The following STON2 variants were observed in gnomAD, a reference collection of about 807,000 sequenced individuals.
STON2 encodes the protein stonin 2.
A neutral mutation model predicts 65.7 loss-of-function variants in STON2; 29 were observed. That is an observed-to-expected ratio of 0.44 (90% confidence interval 0.33 to 0.60). STON2 has a LOEUF of 0.60. STON2 is among the 20% of genes least tolerant of loss of function. The pLI is 0.03. For missense variants in STON2, 1,054 were observed against 1,118.1 expected (o/e 0.94, Z 0.82); for synonymous variants, 404 against 414.2 (o/e 0.98, Z 0.30).
At chr14:81,432,236 A>C (rs1218082548) in intron 1 of STON2, among the ~76,000 whole-genome samples, 1 of 152,038 alleles carries the variant, frequency 6.6e-6, no homozygotes, top group Non-Finnish European at 1.5e-5. Flanking sequence ...CACATTAGAC[A>C]CCCCAACATA....
At chr14:81,281,726 T>C (rs1416099962) in intron 5 of STON2, among the ~76,000 whole-genome samples, 1 of 152,196 alleles carries the variant, frequency 6.6e-6, no homozygotes, top group Non-Finnish European at 1.5e-5. Context: ...TTACAATAAA[T>C]TCCTTTTCAA....
intron 5 of STON2, among the ~76,000 whole-genome samples, chr14:81,287,889 T>C (rs954562036): frequency 2.6e-5 from 4 of 152,158 alleles, no homozygotes; most frequent in Non-Finnish European, 5.9e-5. Context: ...TATCCGTTTC[T>C]TGGGCTGTCT....
At chr14:81,411,007 C>G (rs552969302) in intron 2 of STON2, among the ~76,000 whole-genome samples, 29 of 152,332 alleles carry the variant, frequency 1.9e-4, no homozygotes, top group African/African-American at 7.0e-4. Context: ...TATTCTCTCG[C>G]CAGGTTTAAT....
At chr14:81,393,692 G>A (rs965093103) in intron 3 of STON2, among the ~76,000 whole-genome samples, 1 of 152,210 alleles carries the variant, frequency 6.6e-6, no homozygotes, top group Non-Finnish European at 1.5e-5. Context: ...CAATAAGTAT[G>A]CAGTAAATGT....
intron 5 of STON2, among the ~76,000 whole-genome samples, chr14:81,291,652 G>A (rs1423388531): frequency 6.6e-6 from 1 of 151,184 alleles, no homozygotes; most frequent in African/African-American, 2.4e-5. Flanking sequence ...TAGTATGTTT[G>A]TATGTTTATT....
chr14:81,323,194 G>A lies in STON2; in HGVS notation c.742+823C>T, dbSNP rs534351272. Among the ~76,000 whole-genome samples the A allele has an allele frequency of 1.7e-4, 26 of 152,298 alleles. No homozygotes were observed. The Middle Eastern group carries it at 0.01, about 60-fold the overall frequency. On this transcript the variant is annotated intron_variant, in intron 5 of 7. Transcript: ENST00000614646. ...CAGTGCAATCAACGGCTTGTGTTTA[G>A]AATAAATATTTGAGACACACAAGCC...
intron 4 of STON2, among the ~76,000 whole-genome samples, chr14:81,359,460 A>G (rs1330831363): frequency 6.6e-6 from 1 of 152,210 alleles, no homozygotes; most frequent in Non-Finnish European, 1.5e-5. Context: ...AATTTAATGT[A>G]CACCTCAAGA....
rs745700352 is a variant in STON2 at position 81,262,712 on chromosome 14, A to C, written c.*5702T>G. The C allele has an allele frequency of 3.0e-6, 3 of 984,890 alleles. No individual in the cohort carries two copies. The highest frequency in any genetic ancestry group is 6.2e-5 in the Admixed American group (1 of 16,246). 61.0% of individuals were successfully genotyped at this position (984,890 alleles called of 1,614,324 possible). Reference sequence around the variant, plus strand: ...AAATTGAGAGACACATTTTTTTTTCAATTCTCAAAACAACTAGACTCTTTC... The same window carrying C: ...AAATTGAGAGACACATTTTTTTTTCCATTCTCAAAACAACTAGACTCTTTC... On this transcript the variant is annotated 3_prime_UTR_variant, in exon 8 of 8. Coordinates refer to ENST00000614646, the MANE Select transcript of STON2 (RefSeq NM_001394390.1).
chr14:81,425,340 A>C (rs780115258), intron 2 of STON2, among the ~76,000 whole-genome samples: 1 of 152,150 alleles, frequency 6.6e-6, no homozygotes, highest in Non-Finnish European at 1.5e-5. Context: ...GAGGCTGAGG[A>C]GGAGGGAGGA....
At chr14:81,358,347 G>A (rs558372048) in intron 4 of STON2, among the ~76,000 whole-genome samples, 1 of 152,220 alleles carries the variant, frequency 6.6e-6, no homozygotes, top group East Asian at 1.9e-4. Context: ...TAGGCGATCT[G>A]ATGTATAAGA....
intron 3 of STON2, among the ~76,000 whole-genome samples, chr14:81,382,561 T>C (rs1899577539): frequency 1.3e-5 from 2 of 152,018 alleles, no homozygotes; most frequent in South Asian, 2.1e-4. Context: ...GGGAAGGGGA[T>C]GTGATGAGGG....
intron 2 of STON2, among the ~76,000 whole-genome samples, chr14:81,416,649 G>A (rs376688839): frequency 2.6e-5 from 4 of 152,158 alleles, no homozygotes; most frequent in Admixed American, 1.3e-4. Context: ...AGAGGACACC[G>A]CTGCTATAAT....
At chr14:81,417,644 CAA>C (rs1443856734) in intron 2 of STON2, among the ~76,000 whole-genome samples, 1 of 152,046 alleles carries the variant, frequency 6.6e-6, no homozygotes, top group Admixed American at 6.6e-5. Flanking sequence ...TGTTGAGATG[CAA>C]AGACTGTGAA....
chr14:81,361,988 T>C (rs974452065), intron 4 of STON2, among the ~76,000 whole-genome samples: 4 of 152,064 alleles, frequency 2.6e-5, no homozygotes, highest in African/African-American at 9.7e-5. Context: ...AGATTAAATA[T>C]AACTAGCGTT....
chr14:81,371,205 C>G lies in STON2; in HGVS notation c.374-20G>C. 2 of 1,603,872 alleles carry G rather than the reference C, an allele frequency of 1.2e-6. No homozygotes were observed. Among genetic ancestry groups the G allele is most frequent in the South Asian group, 2.2e-5 (2 of 90,642 alleles). On this transcript the variant is annotated intron_variant, in intron 3 of 7. Coordinates refer to ENST00000614646, the MANE Select transcript of STON2 (RefSeq NM_001394390.1). The stretch of plus-strand genomic sequence containing the variant: ...GTAGGGCTGGGGAGAGACCAAAAAC[C>G]AAAAGCATACAATATAAATAGTTGT...
At chr14:81,303,884 A>G (rs999832322) in intron 5 of STON2, among the ~76,000 whole-genome samples, 4 of 152,214 alleles carry the variant, frequency 2.6e-5, no homozygotes, top group Admixed American at 6.5e-5. Flanking sequence ...TCGTAGCTCC[A>G]TATATTTTCA....
intron 4 of STON2, among the ~76,000 whole-genome samples, chr14:81,327,886 A>G (rs903692408): frequency 6.6e-6 from 1 of 152,218 alleles, no homozygotes; most frequent in Non-Finnish European, 1.5e-5. Context: ...AAGAGTGGTG[A>G]AGGACTGGTC....
Position 81,277,695 on chromosome 14 carries a change from A to G in STON2, c.1787T>C (p.Leu596Pro). The change falls in exon 6 of 8, where the codon CTG becomes CCG. Residue 596 changes from leucine to proline, a missense_variant. Leu to Pro is a moderately conservative substitution (Grantham distance 98). Transcript: ENST00000614646. ...KLGTTNYDDFLSFIHAVQDRL... is the reference protein window; with the variant it reads ...KLGTTNYDDFPSFIHAVQDRL... ...GTCCTGAACTGCATGGATGAAACTC[A>G]GGAAGTCATCGTAATTGGTGGTGCC... is the stretch of plus-strand genomic sequence containing the variant. 6.2e-7 allele frequency: 1 copy of G among 1,614,204 alleles called. No homozygotes were observed. The highest frequency in any genetic ancestry group is 8.5e-7 in the Non-Finnish European group (1 of 1,180,032).
At chr14:81,383,128 A>G (rs1899613628) in intron 3 of STON2, among the ~76,000 whole-genome samples, 1 of 152,160 alleles carries the variant, frequency 6.6e-6, no homozygotes, top group African/African-American at 2.4e-5. Flanking sequence ...TTGAAGGAAT[A>G]AAGTGAAGGA....
Sources: gnomAD v4.1 joint callset for allele counts (sites outside exome capture counted in the v4.1 genomes callset) on GRCh38, gnomAD v4.1.1 for gene constraint, MANE v1.5 for transcripts, NCBI Gene and HGNC (gene_info 2026-07-23, HGNC 2026-07-21) for gene names.